The following MAML2 variants were observed in gnomAD, a reference collection of about 807,000 sequenced individuals.
MAML2 encodes mastermind-like protein 2.
In MAML2, 22 loss-of-function variants were observed where a neutral mutation model predicts 96.1. That is an observed-to-expected ratio of 0.23 (90% CI 0.16 to 0.33). The LOEUF is 0.33. MAML2 is among the 10% of genes least tolerant of loss of function. The pLI, the probability that MAML2 is intolerant of heterozygous loss-of-function variation, is 1.00. For synonymous variants in MAML2, 561 were observed against 521.3 expected (o/e 1.08, Z -1.04); for missense variants, 1,367 against 1,392.4 (o/e 0.98, Z 0.29).
At chr11:96,100,635 G>T (rs1207264717) in intron 1 of MAML2, among the ~76,000 whole-genome samples, 1 of 151,548 alleles carries the variant, frequency 6.6e-6, no homozygotes, top group South Asian at 2.1e-4. Context: ...TTAGTGTAAG[G>T]GTCAGAGGAG....
At chr11:96,192,384 T>C (rs2135922531) in intron 1 of MAML2, among the ~76,000 whole-genome samples, 1 of 152,354 alleles carries the variant, frequency 6.6e-6, no homozygotes, top group South Asian at 2.1e-4. Flanking sequence ...TCTGTTTCCC[T>C]AAATTGTGTC....
chr11:96,246,091 C>A (rs544895657), intron 1 of MAML2, among the ~76,000 whole-genome samples: 3 of 152,142 alleles, frequency 2.0e-5, no homozygotes, highest in Admixed American at 2.0e-4. Flanking sequence ...CACAAAGCAA[C>A]ATGAAACATG....
At chr11:96,138,089 A>C (rs1224820747) in intron 1 of MAML2, among the ~76,000 whole-genome samples, 1 of 152,202 alleles carries the variant, frequency 6.6e-6, no homozygotes, top group Non-Finnish European at 1.5e-5. Flanking sequence ...TCCTTCACAT[A>C]TTTAGGCTAA....
intron 3 of MAML2, among the ~76,000 whole-genome samples, chr11:95,988,458 C>T (rs1857863039): frequency 7.8e-6 from 1 of 128,854 alleles, no homozygotes; most frequent in Non-Finnish European, 1.6e-5. Flanking sequence ...CGGAGTTTTA[C>T]CATGTTTGTC....
At chr11:96,328,344 C>G (rs1465759436) in intron 1 of MAML2, among the ~76,000 whole-genome samples, 3 of 151,980 alleles carry the variant, frequency 2.0e-5, no homozygotes, top group Non-Finnish European at 4.4e-5. Context: ...TTAGAGGTAA[C>G]TGAAAAAAAT....
At chr11:96,258,416 A>C (rs913396061) in intron 1 of MAML2, among the ~76,000 whole-genome samples, 1 of 152,230 alleles carries the variant, frequency 6.6e-6, no homozygotes, top group African/African-American at 2.4e-5. Context: ...AAACTGAAAG[A>C]GGCAGCTTGA....
intron 2 of MAML2, among the ~76,000 whole-genome samples, chr11:96,074,730 T>C (rs1693564085): frequency 6.6e-6 from 1 of 152,242 alleles, no homozygotes; most frequent in African/African-American, 2.4e-5. Flanking sequence ...CAAATCATTT[T>C]TGACACCAGA....
rs761159455 is a variant in MAML2 at position 95,991,510 on chromosome 11, A to G, written c.2343+10T>C. On this transcript the variant is annotated intron_variant, in intron 3 of 4. Coordinates refer to ENST00000524717, the MANE Select transcript of MAML2 (RefSeq NM_032427.4). ...AGGTTTGTTCAGTAGAAATTAAGAG[A>G]AAGTTTTACCGCGTCAGCCAGCATC... 17 of 1,613,068 alleles carry G rather than the reference A, an allele frequency of 1.1e-5. No homozygotes were observed. The highest frequency in any genetic ancestry group is 1.7e-5 in the Admixed American group (1 of 59,976).
intron 1 of MAML2, among the ~76,000 whole-genome samples, chr11:96,122,504 GT>G (rs376677796): frequency 1.0e-5 from 1 of 96,260 alleles, no homozygotes; most frequent in African/African-American, 3.7e-5. Context: ...CTGGGTGTGT[GT>G]GTGTGTGTGT....
chr11:96,200,601 C>A (rs1861806490), intron 1 of MAML2, among the ~76,000 whole-genome samples: 1 of 152,210 alleles, frequency 6.6e-6, no homozygotes, highest in South Asian at 2.1e-4. Context: ...AACCCTCCTG[C>A]ATTTTAATTA....
intron 1 of MAML2, among the ~76,000 whole-genome samples, chr11:96,248,864 G>A (rs986284944): frequency 2.6e-5 from 4 of 152,160 alleles, no homozygotes; most frequent in East Asian, 1.9e-4. Context: ...GGTGTGTGGC[G>A]CAACTAGCAG....
chr11:96,057,848 G>C (rs921062933), intron 2 of MAML2, among the ~76,000 whole-genome samples: 2 of 152,196 alleles, frequency 1.3e-5, no homozygotes, highest in Admixed American at 1.3e-4. Context: ...ACAACTGAGA[G>C]TGATCTTTAA....
chr11:96,104,638 T>C (rs1005204909), intron 1 of MAML2, among the ~76,000 whole-genome samples: 1 of 152,184 alleles, frequency 6.6e-6, no homozygotes, highest in Non-Finnish European at 1.5e-5. Flanking sequence ...AAGGTCTTTT[T>C]AACAGTATCT....
chr11:96,305,373 T>C (rs1863449269), intron 1 of MAML2, among the ~76,000 whole-genome samples: 1 of 152,182 alleles, frequency 6.6e-6, no homozygotes, highest in South Asian at 2.1e-4. Context: ...GGTGTGTCAA[T>C]GTAGGTCCAC....
intron 1 of MAML2, among the ~76,000 whole-genome samples, chr11:96,253,311 C>G (rs1862612320): frequency 6.6e-6 from 1 of 152,172 alleles, no homozygotes; most frequent in African/African-American, 2.4e-5. Context: ...TGAAAGCCAT[C>G]TGAGATGTGC....
chr11:96,258,909 T>G (rs1328935474), intron 1 of MAML2, among the ~76,000 whole-genome samples: 1 of 152,180 alleles, frequency 6.6e-6, no homozygotes, highest in Non-Finnish European at 1.5e-5. Context: ...CAGCCTTTTA[T>G]ACAGGAAGCT....
At chr11:96,163,618 T>A (rs1276942542) in intron 1 of MAML2, among the ~76,000 whole-genome samples, 1 of 152,242 alleles carries the variant, frequency 6.6e-6, no homozygotes, top group Non-Finnish European at 1.5e-5. Context: ...AAATAGTTCC[T>A]ACTCCAGTGA....
chr11:96,216,318 C>G (rs1862049468), intron 1 of MAML2, among the ~76,000 whole-genome samples: 1 of 152,180 alleles, frequency 6.6e-6, no homozygotes, highest in African/African-American at 2.4e-5. Context: ...GCCCTAAAGT[C>G]TATGGCCCTG....
At chr11:96,133,671 C>A (rs1181210019) in intron 1 of MAML2, among the ~76,000 whole-genome samples, 2 of 152,006 alleles carry the variant, frequency 1.3e-5, no homozygotes, top group African/African-American at 4.8e-5. Context: ...CAATAGAAAC[C>A]TTTAAAGGCT....
Sources: allele counts gnomAD v4.1 joint callset (sites outside exome capture counted in the v4.1 genomes callset), GRCh38; gene constraint gnomAD v4.1.1; transcripts MANE v1.5; gene names NCBI Gene and HGNC (gene_info 2026-07-23, HGNC 2026-07-21).